Variants in SWI5 observed in about 807,000 individuals in gnomAD.
SWI5 encodes SWI5 homologous recombination repair protein, also known as DNA repair protein SWI5 homolog.
Under a neutral mutation model 17.0 loss-of-function variants are expected in SWI5, and 12 were observed. The observed-to-expected ratio is 0.71, with a 90% CI of 0.45 to 1.14. The LOEUF is 1.14. Among genes scored for constraint, SWI5 ranks in the 50% most tolerant of loss-of-function variants. The probability of loss-of-function intolerance (pLI) is 0.00; values close to 1 mark genes in which losing one functional copy is unlikely to be tolerated. For synonymous variants in SWI5, 61 were observed against 64.0 expected, an observed-to-expected ratio of 0.95 and a Z score of 0.22; for missense variants, 158 against 162.2, an observed-to-expected ratio of 0.97 and a Z score of 0.14.
chr9:128,280,024 A>G (rs960740892), intron 2 of SWI5, among the ~76,000 whole-genome samples: 5 of 152,176 alleles, frequency 3.3e-5, no homozygotes, highest in African/African-American at 1.2e-4. Context: ...ATTAAAAGCT[A>G]ATGATTAATA....
rs184623926 is a variant in SWI5, at chr9:128,288,815, G to A, written c.*99G>A. On this transcript the variant is annotated 3_prime_UTR_variant, in exon 5 of 5. Coordinates refer to ENST00000418976, the Ensembl canonical transcript of SWI5. ...CCAGCACACCTACAGAGTTTCCAGC[G>A]AGACAATGCCAGAAGCACTTTTCTA... 21 of 1,371,674 alleles carry A rather than the reference G, an allele frequency of 1.5e-5. 1 individual carries two copies. Among genetic ancestry groups the A allele is most frequent in the Admixed American group, 1.0e-4 (6 of 57,516 alleles). 85.0% of individuals were successfully genotyped at this position (1,371,674 alleles called of 1,614,324 possible).
intron 4 of SWI5, among the ~76,000 whole-genome samples, chr9:128,287,719 G>A (rs1308265216): frequency 1.3e-5 from 2 of 151,496 alleles, no homozygotes; most frequent in Admixed American, 1.3e-4. Context: ...CCACCACCAC[G>A]CCCGGCTAAT....
At chr9:128,275,623 G>A, upstream of SWI5, 1 of 748,470 alleles carries the variant, frequency 1.3e-6, no homozygotes, top group South Asian at 2.3e-5. Context: ...CAGGGAGGTC[G>A]GACTTCGGGG....
chr9:128,283,328 A>C (rs1015519979), intron 2 of SWI5, among the ~76,000 whole-genome samples: 1 of 151,990 alleles, frequency 6.6e-6, no homozygotes, highest in Non-Finnish European at 1.5e-5. Context: ...GTTTTAAAAA[A>C]AAGTACAAAA....
Position 128,276,407 on chromosome 9 carries a change from G to A in SWI5, c.62+5G>A. On this transcript the variant is annotated splice_donor_5th_base_variant and intron_variant, in intron 1 of 4. Coordinates refer to ENST00000418976, the Ensembl canonical transcript of SWI5. ...TCGGACCCCAGGGCTCAGGAGGTGG[G>A]CGAGGAACGGACTCCACAGTTTCTT... The A allele has an allele frequency of 6.2e-7, 1 of 1,611,792 alleles. No individual in the cohort carries two copies. Among genetic ancestry groups the A allele is most frequent in the Non-Finnish European group, 8.5e-7 (1 of 1,179,046 alleles).
intron 2 of SWI5, among the ~76,000 whole-genome samples, chr9:128,283,846 G>A (rs1831585084): frequency 6.6e-6 from 1 of 152,120 alleles, no homozygotes; most frequent in African/African-American, 2.4e-5. Context: ...GTCATTGGCT[G>A]GGAACAGTGG....
chr9:128,285,373 T>C lies in SWI5; in HGVS notation c.234-566T>C, dbSNP rs1831621381. ...AGCAGCAGCCTCTCAGGTAGGGAGA[T>C]GCTCAGGCTGTGGGAGGGCCTGAAC... On this transcript the variant is annotated intron_variant, in intron 3 of 4. Coordinates refer to ENST00000418976, the Ensembl canonical transcript of SWI5. This position sits in a 1 kb window ranked among gnomAD's most constrained non-coding sequence, Gnocchi z 4.8. Among the ~76,000 whole-genome samples the C allele has an allele frequency of 6.6e-6, 1 of 152,132 alleles. No individual in the cohort carries two copies. Among genetic ancestry groups the C allele is most frequent in the Non-Finnish European group, 1.5e-5 (1 of 68,018 alleles).
chr9:128,276,306 C>T (rs978957695), exon 1 of SWI5: 24 of 1,612,902 alleles, frequency 1.5e-5, no homozygotes, highest in Non-Finnish European at 1.8e-5. Context: ...GTTCCTGGCC[C>T]GGTGCACCTG....
chr9:128,280,537 T>A (rs1588503673), intron 2 of SWI5, among the ~76,000 whole-genome samples: 1 of 145,112 alleles, frequency 6.9e-6, no homozygotes. Context: ...AAAACAAGAG[T>A]CTCGCTCTGC....
In SWI5 at chr9:128,285,952, G is replaced by A. The variant is rs1831631516; in HGVS notation, c.247G>A (p.Asp83Asn). The change falls in exon 4 of 5, where the codon GAT becomes AAT. Residue 83 changes from aspartate (D) to asparagine (N), a missense_variant. Coordinates refer to ENST00000418976, the Ensembl canonical transcript of SWI5. This position sits in a 1 kb window ranked among gnomAD's most constrained non-coding sequence, Gnocchi z 4.8. ...CGCTTATCCCAGAGGCTACAGTGTG[G>A]ATGAACTGGAGGACCACATTACCCA... is the stretch of plus-strand genomic sequence containing the variant. The A allele has an allele frequency of 6.2e-7, 1 of 1,613,850 alleles. No individual in the cohort carries two copies. Among genetic ancestry groups the A allele is most frequent in the African/African-American group, 1.3e-5 (1 of 74,902 alleles).
chr9:128,284,976 A>AAG (rs1378271735), intron 3 of SWI5, among the ~76,000 whole-genome samples: 1 of 148,022 alleles, frequency 6.8e-6, no homozygotes, highest in African/African-American at 2.5e-5. Flanking sequence ...AAAAAAAAAA[A>AAG]AAAAGGTTTA....
chr9:128,276,117 A>G (rs757594121), upstream of SWI5: 6 of 1,567,598 alleles, frequency 3.8e-6, no homozygotes, highest in South Asian at 4.6e-5. Context: ...TTGGTCAATG[A>G]GAAATATGAA....
In SWI5 at chr9:128,285,946, A is replaced by C; in HGVS notation, c.241A>C (p.Ser81Arg). ...CTCCATCGCTTATCCCAGAGGCTACAGTGTGGATGAACTGGAGGACCACAT... is the reference window on the plus strand; with the variant it reads ...CTCCATCGCTTATCCCAGAGGCTACCGTGTGGATGAACTGGAGGACCACAT... The change falls in exon 4 of 5, where the codon AGT (serine) becomes CGT (arginine). Residue 81 changes from serine to arginine, a missense_variant. Transcript: ENST00000418976. The surrounding 1 kb of genome is among the most constrained non-coding windows in gnomAD (Gnocchi z 4.8). 1.2e-6 allele frequency: 2 copies of C among 1,613,308 alleles called. No individual in the cohort carries two copies. The highest frequency in any genetic ancestry group is 1.7e-5 in the Admixed American group (1 of 60,018).
intron 4 of SWI5, among the ~76,000 whole-genome samples, chr9:128,287,364 G>A (rs968386840): frequency 1.5e-4 from 22 of 149,296 alleles, no homozygotes; most frequent in Admixed American, 6.7e-5. Flanking sequence ...AGAATCACTT[G>A]AACCCAGGAA....
At chr9:128,276,239 G>A (rs751103289), upstream of SWI5, 2 of 1,612,250 alleles carry the variant, frequency 1.2e-6, no homozygotes, top group Non-Finnish European at 1.7e-6. Flanking sequence ...GGGCGGGGCC[G>A]GCTTTCCTTG....
chr9:128,280,318 C>T (rs1831513992), intron 2 of SWI5, among the ~76,000 whole-genome samples: 1 of 152,020 alleles, frequency 6.6e-6, no homozygotes, highest in Non-Finnish European at 1.5e-5. Context: ...TTTCTTGGGA[C>T]ACCCAGAGCT....
intron 2 of SWI5, among the ~76,000 whole-genome samples, chr9:128,284,197 G>A (rs1831592101): frequency 6.6e-6 from 1 of 150,436 alleles, no homozygotes; most frequent in Admixed American, 6.7e-5. Flanking sequence ...GCTGAGACAG[G>A]AGAATCACTT....
chr9:128,288,723 T>C, exon 5 of SWI5: 2 of 1,614,096 alleles, frequency 1.2e-6, no homozygotes, highest in Non-Finnish European at 1.7e-6. Flanking sequence ...CTGAGCAGGC[T>C]CATCGCCCCT....
At chr9:128,276,568 G>C (rs1219562599) in intron 1 of SWI5, 139 bp from the exon 2 acceptor site, 1 of 1,590,792 alleles carries the variant, frequency 6.3e-7, no homozygotes, top group Non-Finnish European at 8.6e-7. Context: ...TCCTGAGAGC[G>C]TGTCTGCCCC....
Sources: allele counts gnomAD v4.1 joint callset (sites outside exome capture counted in the v4.1 genomes callset), GRCh38; gene constraint gnomAD v4.1.1; non-coding constraint Gnocchi (gnomAD v3.1); transcripts MANE v1.5; gene names NCBI Gene and HGNC (gene_info 2026-07-23, HGNC 2026-07-21).